Variants in METTL15 observed in about 807,000 individuals in gnomAD.
METTL15 encodes 12S rRNA N(4)-cytidine methyltransferase METTL15.
In METTL15, 34 loss-of-function variants were observed where a neutral mutation model predicts 38.3. That is an observed-to-expected ratio of 0.89 (90% CI 0.68 to 1.18). The LOEUF (loss-of-function observed/expected upper bound fraction) is 1.18, where lower values mean the gene tolerates loss of function less well. METTL15 is among the 50% of genes most tolerant of loss of function. The pLI is 0.00. For missense variants in METTL15, 438 were observed against 498.4 expected (o/e 0.88, Z 1.15); for synonymous variants, 162 against 170.9 (o/e 0.95, Z 0.41).
intron 4 of METTL15, among the ~76,000 whole-genome samples, chr11:28,234,201 T>C (rs1853827055): frequency 6.6e-6 from 1 of 152,188 alleles, no homozygotes; most frequent in African/African-American, 2.4e-5. Context: ...ATCCACTCTA[T>C]CATTGTTGGA....
chr11:28,529,444 C>T (rs1466819452), downstream of METTL15, among the ~76,000 whole-genome samples: 1 of 151,982 alleles, frequency 6.6e-6, no homozygotes, highest in Admixed American at 6.6e-5. Flanking sequence ...CTTCCATACT[C>T]TCCATACACC....
chr11:28,160,780 A>G, intron 3 of METTL15, among the ~76,000 whole-genome samples: 1 of 152,128 alleles, frequency 6.6e-6, no homozygotes, highest in East Asian at 1.9e-4. Flanking sequence ...TAAATGTACT[A>G]TATAACCATA....
intron 4 of METTL15, among the ~76,000 whole-genome samples, chr11:28,263,547 T>G (rs1276536046): frequency 1.3e-5 from 2 of 152,078 alleles, no homozygotes; most frequent in Non-Finnish European, 2.9e-5. Context: ...GAAACATTAT[T>G]ATATAATTAA....
intron 6 of METTL15, among the ~76,000 whole-genome samples, chr11:28,480,058 T>G (rs1028164383): frequency 2.0e-5 from 3 of 152,248 alleles, no homozygotes; most frequent in African/African-American, 7.2e-5. Context: ...AGAATTTTAC[T>G]CATTTGTCAG....
At chr11:28,393,086 G>A (rs2133395700) in intron 5 of METTL15, among the ~76,000 whole-genome samples, 1 of 152,172 alleles carries the variant, frequency 6.6e-6, no homozygotes, top group Non-Finnish European at 1.5e-5. Context: ...AATGTAAAAT[G>A]GTGCAGCCAT....
chr11:28,526,923 A>G (rs1460130281), exon 8 of METTL15: 6 of 152,252 alleles, frequency 3.9e-5, no homozygotes, highest in Non-Finnish European at 8.8e-5. Flanking sequence ...TTATTGTTTA[A>G]AGACAAGTAA....
chr11:28,240,826 T>G (rs890562743), intron 4 of METTL15, among the ~76,000 whole-genome samples: 2 of 152,164 alleles, frequency 1.3e-5, no homozygotes, highest in Non-Finnish European at 2.9e-5. Context: ...ATAGCCAAGT[T>G]TTTTTAATAA....
At chr11:28,287,427 G>A (rs1018129147) in intron 4 of METTL15, 1 of 418,176 alleles carries the variant, frequency 2.4e-6, no homozygotes. Context: ...TGTTTAGCCT[G>A]CCTGTGAGGT....
chr11:28,214,685 A>G (rs924156798), intron 4 of METTL15, among the ~76,000 whole-genome samples: 1 of 152,232 alleles, frequency 6.6e-6, no homozygotes, highest in Non-Finnish European at 1.5e-5. Flanking sequence ...AGACAAAATT[A>G]GGATGTAAAT....
At chr11:28,397,299 C>A (rs893318740) in intron 5 of METTL15, among the ~76,000 whole-genome samples, 4 of 151,802 alleles carry the variant, frequency 2.6e-5, no homozygotes, top group African/African-American at 9.7e-5. Context: ...TCAGAGTGAA[C>A]AGGCAACCTA....
At chr11:28,211,268 G>T in intron 4 of METTL15, 70 bp downstream of exon 4, 1 of 1,443,896 alleles carries the variant, frequency 6.9e-7, no homozygotes. Flanking sequence ...TACCACCTTG[G>T]AATTTGTTCT....
intron 6 of METTL15, among the ~76,000 whole-genome samples, chr11:28,472,828 C>A (rs1851314121): frequency 6.6e-6 from 1 of 152,144 alleles, no homozygotes; most frequent in Non-Finnish European, 1.5e-5. Flanking sequence ...ACAAGAAATT[C>A]TTTGTGATGC....
intron 6 of METTL15, chr11:28,517,093 A>G (rs895410634): frequency 2.0e-5 from 3 of 152,330 alleles, no homozygotes; most frequent in East Asian, 1.9e-4. Flanking sequence ...GGACAGACTC[A>G]GGGCATTCAG....
intron 3 of METTL15, among the ~76,000 whole-genome samples, chr11:28,145,989 T>C (rs894679838): frequency 4.6e-5 from 7 of 152,106 alleles, no homozygotes; most frequent in African/African-American, 1.7e-4. Context: ...GATATTTAAA[T>C]ATGGCTTGGT....
intron 3 of METTL15, among the ~76,000 whole-genome samples, chr11:28,139,877 G>T (rs1849638698): frequency 6.6e-6 from 1 of 152,170 alleles, no homozygotes. Context: ...AAATCCTCTA[G>T]CTCTATGCAA....
chr11:28,402,629 CT>C (rs1242116948), intron 5 of METTL15, among the ~76,000 whole-genome samples: 4 of 151,842 alleles, frequency 2.6e-5, no homozygotes, highest in Non-Finnish European at 4.4e-5. Flanking sequence ...AAATACTTAA[CT>C]TTTTTTAATT....
intron 3 of METTL15, among the ~76,000 whole-genome samples, chr11:28,194,121 G>GATCTATCT (rs1851800046): frequency 2.6e-5 from 1 of 37,996 alleles, no homozygotes; most frequent in South Asian, 9.3e-4. Context: ...TTTGATGGTT[G>GATCTATCT]ATCTTTCTTT....
intron 6 of METTL15, among the ~76,000 whole-genome samples, chr11:28,466,812 GAAGCAT>G (rs2133460026): frequency 6.6e-6 from 1 of 152,302 alleles, no homozygotes; most frequent in East Asian, 1.9e-4. Context: ...GGTCAAAACA[GAAGCAT>G]TTAGGCTCCA....
chr11:28,263,327 G>A (rs997160154), intron 4 of METTL15, among the ~76,000 whole-genome samples: 3 of 151,942 alleles, frequency 2.0e-5, no homozygotes, highest in African/African-American at 7.2e-5. Flanking sequence ...CATATTATTG[G>A]CATACCTTTT....
Sources: gnomAD v4.1 joint callset for allele counts (sites outside exome capture counted in the v4.1 genomes callset) on GRCh38, gnomAD v4.1.1 for gene constraint, MANE v1.5 for transcripts, NCBI Gene and HGNC (gene_info 2026-07-23, HGNC 2026-07-21) for gene names.